Variants in KIR3DL3 observed in about 807,000 individuals in gnomAD.
KIR3DL3 encodes killer cell immunoglobulin like receptor, three Ig domains and long cytoplasmic tail 3.
In KIR3DL3, 27 loss-of-function variants were observed where a neutral mutation model predicts 34.9. That is an observed-to-expected ratio of 0.77 (90% CI 0.57 to 1.07). The LOEUF (loss-of-function observed/expected upper bound fraction) is 1.07. Ranked by LOEUF, KIR3DL3 falls within the 50% of genes least tolerant of loss-of-function variation. The pLI is 0.00. For synonymous variants in KIR3DL3, 217 were observed against 200.2 expected (o/e 1.08, Z -0.71); for missense variants, 681 against 528.5 (o/e 1.29, Z -2.83).
intron 7 of KIR3DL3, 31 bp from the exon 8 acceptor site, chr19:54,735,940 C>A (rs1240797721): frequency 1.8e-5 from 29 of 1,609,554 alleles, no homozygotes; most frequent in Non-Finnish European, 2.0e-5. Context: ...ATGTGAGCAC[C>A]CTCCCTCACT....
At chr19:54,730,685 A>G (rs1482892789) in intron 5 of KIR3DL3, among the ~76,000 whole-genome samples, 2 of 152,050 alleles carry the variant, frequency 1.3e-5, no homozygotes, top group East Asian at 3.9e-4. Context: ...TCCACCTTTT[A>G]GCTCCTGCAT....
At chr19:54,734,405 G>C (rs369801958) in intron 5 of KIR3DL3, among the ~76,000 whole-genome samples, 20 of 151,146 alleles carry the variant, frequency 1.3e-4, no homozygotes, top group Admixed American at 6.0e-4. Flanking sequence ...ATTTCAATGT[G>C]AGCCAGTCCC....
rs1261432858 is a variant in KIR3DL3, at chr19:54,727,160, A to G, written c.356-451A>G. On this transcript the variant is annotated intron_variant, in intron 3 of 7. Transcript: ENST00000291860. ...CTGGGGCCATGGAGAAGGCACAGACATGAAAGGAGAGGCTCCCAATCCCCA... is the reference window on the plus strand; with the variant it reads ...CTGGGGCCATGGAGAAGGCACAGACGTGAAAGGAGAGGCTCCCAATCCCCA... 2.1e-4 allele frequency among the ~76,000 whole-genome samples: 27 copies of G among 128,948 alleles called. No individual in the cohort carries two copies. In the East Asian group the frequency reaches 3.7e-3, roughly 18 times the overall value. The allele number at this position is 128,948 out of a possible 152,430, so 84.6% of individuals were successfully genotyped here.
chr19:54,729,526 C>A lies in KIR3DL3; in HGVS notation c.689C>A (p.Pro230Gln), dbSNP rs1316494827. ...GGGAAACCTTCTCTCTCAGCCCAGCCGGGCCCCACGGTTCAGGCAGGAGAG... is the reference window on the plus strand; with the variant it reads ...GGGAAACCTTCTCTCTCAGCCCAGCAGGGCCCCACGGTTCAGGCAGGAGAG... Reference protein sequence around the residue: ...LYGKPSLSAQPGPTVQAGENV... With the variant: ...LYGKPSLSAQQGPTVQAGENV... Residue 230 changes from proline to glutamine, a missense_variant, in exon 5 of 8, where the codon CCG becomes CAG. Transcript: ENST00000291860. The A allele has an allele frequency of 1.2e-6, 2 of 1,606,286 alleles. No individual in the cohort carries two copies. Among genetic ancestry groups the A allele is most frequent in the Admixed American group, 1.7e-5 (1 of 58,992 alleles).
At chr19:54,732,916 G>T (rs1344593390) in intron 5 of KIR3DL3, among the ~76,000 whole-genome samples, 1 of 152,098 alleles carries the variant, frequency 6.6e-6, no homozygotes, top group African/African-American at 2.4e-5. Context: ...ATCCCTACCT[G>T]ATTAACAGTG....
chr19:54,724,525 G>A lies in KIR3DL3; in HGVS notation c.29G>A (p.Cys10Tyr). The A allele has an allele frequency of 1.2e-6, 2 of 1,612,606 alleles. No individual in the cohort carries two copies. The highest frequency in any genetic ancestry group is 4.5e-5 in the East Asian group (2 of 44,846). MSLMVVSMA[C>Y]VGFFLLEGPW... ...TCGCTCATGGTCGTCAGCATGGCGTGTGTTGGTGAGTCCTGGAAGGGAATC... is the reference window on the plus strand; with the variant it reads ...TCGCTCATGGTCGTCAGCATGGCGTATGTTGGTGAGTCCTGGAAGGGAATC... The change falls in exon 1 of 8, where the codon TGT becomes TAT. Residue 10 changes from cysteine (C) to tyrosine (Y), a missense_variant. Transcript: ENST00000291860.
intron 4 of KIR3DL3, among the ~76,000 whole-genome samples, chr19:54,729,178 T>C (rs2068523362): frequency 6.7e-6 from 1 of 149,232 alleles, no homozygotes; most frequent in South Asian, 2.2e-4. Flanking sequence ...CAGAAAGTTA[T>C]GAGCAAGACA....
chr19:54,735,183 G>C, intron 5 of KIR3DL3, 70 bp from the exon 6 acceptor site: 1 of 1,223,632 alleles, frequency 8.2e-7, no homozygotes, highest in Non-Finnish European at 1.2e-6. Flanking sequence ...TGTCAATCAA[G>C]AAATGTGAGA....
chr19:54,724,543 A>C lies in KIR3DL3; in HGVS notation c.34+13A>C, dbSNP rs1182784812. The C allele has an allele frequency of 5.6e-6, 9 of 1,608,044 alleles. No individual in the cohort carries two copies. Among genetic ancestry groups the C allele is most frequent in the Middle Eastern group, 1.6e-4 (1 of 6,064 alleles). ...ATGGCGTGTGTTGGTGAGTCCTGGA[A>C]GGGAATCGAGGGAGGGAGCGCTGGG... On this transcript the variant is annotated intron_variant, in intron 1 of 7. Transcript: ENST00000291860.
At chr19:54,733,155 G>GT (rs1287485271) in intron 5 of KIR3DL3, among the ~76,000 whole-genome samples, 7 of 152,026 alleles carry the variant, frequency 4.6e-5, no homozygotes, top group South Asian at 2.1e-4. Flanking sequence ...TCTGAGATGT[G>GT]TTTTTTTTCT....
intron 5 of KIR3DL3, among the ~76,000 whole-genome samples, chr19:54,733,819 A>T (rs112166802): frequency 6.6e-6 from 1 of 151,990 alleles, no homozygotes; most frequent in Non-Finnish European, 1.5e-5. Flanking sequence ...ACTTCCAATC[A>T]CCTATGGAGA....
At position 54,727,538 on chromosome 19, in the gene KIR3DL3, C is replaced by T. The variant is rs1425396448; in HGVS notation, c.356-73C>T. On this transcript the variant is annotated intron_variant, in intron 3 of 7. Coordinates refer to ENST00000291860, the MANE Select transcript of KIR3DL3 (RefSeq NM_153443.5). ...GAGATAGACACCATGGAGGGGAAGC[C>T]TCACTTATTTCAGGTCCCATGAATG... is the stretch of plus-strand genomic sequence containing the variant. 2.1e-6 allele frequency: 3 copies of T among 1,435,784 alleles called. No homozygotes were observed. The African/African-American group carries it at 4.3e-5, about 21-fold the overall frequency. 88.9% of individuals were successfully genotyped at this position (1,435,784 alleles called of 1,614,324 possible). A position where few individuals can be genotyped will look rare whatever the true frequency, so the allele number is the denominator to read the frequency against.
In KIR3DL3 at chr19:54,729,714, T is replaced by C; in HGVS notation, c.877T>C (p.Cys293Arg). 1.9e-6 allele frequency: 3 copies of C among 1,596,026 alleles called. No homozygotes were observed. Among genetic ancestry groups the C allele is most frequent in the South Asian group, 2.2e-5 (2 of 89,628 alleles). Residue 293 changes from cysteine to arginine, a missense_variant, in exon 5 of 8, where the codon TGC (cysteine) becomes CGC (arginine). By Grantham distance (180) the Cys-to-Arg change is radical. Coordinates refer to ENST00000291860, the MANE Select transcript of KIR3DL3 (RefSeq NM_153443.5). ...TGTGACCCACGGAGGGAACTACAGA[T>C]GCTTCGGCTCTTTCCGTGCCCTGCC... is the stretch of plus-strand genomic sequence containing the variant. Reference protein sequence around the residue: ...GPVTHGGNYRCFGSFRALPHA... With the variant: ...GPVTHGGNYRRFGSFRALPHA...
chr19:54,727,773 A>T lies in KIR3DL3; in HGVS notation c.518A>T (p.Asp173Val). ...DPLRLVGQLH[D>V]AGSQVNYSMG... ...TTGCGCCTCGTTGGACAGCTCCACG[A>T]TGCGGGTTCCCAGGTCAACTATTCC... The change falls in exon 4 of 8, where the codon GAT (aspartate) becomes GTT (valine). Residue 173 changes from aspartate to valine, a missense_variant. Asp to Val is a radical substitution (Grantham distance 152, BLOSUM62 -3). Transcript: ENST00000291860. 1.2e-6 allele frequency: 2 copies of T among 1,613,536 alleles called. No homozygotes were observed. Among genetic ancestry groups the T allele is most frequent in the South Asian group, 1.1e-5 (1 of 91,038 alleles).
chr19:54,727,976 G>T (rs2057423471), intron 4 of KIR3DL3, 66 bp downstream of exon 4: 2 of 1,480,958 alleles, frequency 1.4e-6, no homozygotes, highest in African/African-American at 1.4e-5. Context: ...AGGACTGGAA[G>T]CCCCAGGTGG....
Position 54,735,803 on chromosome 19 carries a change from A to G in KIR3DL3, c.1055-17A>G. 6.2e-7 allele frequency: 1 copy of G among 1,607,586 alleles called. No individual in the cohort carries two copies. Among genetic ancestry groups the G allele is most frequent in the South Asian group, 1.1e-5 (1 of 90,532 alleles). On this transcript the variant is annotated splice_polypyrimidine_tract_variant and intron_variant, in intron 6 of 7. Transcript: ENST00000291860. The stretch of plus-strand genomic sequence containing the variant: ...AAGTGCCCTCCGAGCTGTTTTGACG[A>G]CTTCCGTCTTCTACAGATGCTGTTG...
rs773252647 is a variant in KIR3DL3 at position 54,735,368 on chromosome 19, C to T, written c.1054+11C>T. The T allele has an allele frequency of 4.6e-5, 58 of 1,263,044 alleles. No individual in the cohort carries two copies. The highest frequency in any genetic ancestry group is 2.5e-4 in the East Asian group (11 of 43,744). 78.2% of individuals were successfully genotyped at this position (1,263,044 alleles called of 1,614,324 possible). A position where few individuals can be genotyped will look rare whatever the true frequency, so the allele number is the denominator to read the frequency against. On this transcript the variant is annotated intron_variant, in intron 6 of 7. Transcript: ENST00000291860. ...GTGCCAACAAAAAGAGTAAGTCTCA[C>T]GAAGCAGAAGCCAGAGAGCTCAGGG...
At chr19:54,728,047 C>T in intron 4 of KIR3DL3, 137 bp downstream of exon 4, 1 of 849,338 alleles carries the variant, frequency 1.2e-6, no homozygotes, top group Non-Finnish European at 1.9e-6. Context: ...AGGTCTGTAC[C>T]AACAAAGGCA....
Position 54,727,902 on chromosome 19 carries a change from T to A in KIR3DL3, c.647T>A (p.Val216Glu). ...LSAPSDPLDI[V>E]VVGLYGKPSL... ...GCTCCCAGTGACCCTCTGGACATCG[T>A]GGTCGTAGGTGAGAGAATACAGACC... The change falls in exon 4 of 8, where the codon GTG (valine) becomes GAG (glutamate). Residue 216 changes from valine to glutamate, a missense_variant. Val to Glu is a moderately radical substitution (Grantham distance 121). Coordinates refer to ENST00000291860, the MANE Select transcript of KIR3DL3 (RefSeq NM_153443.5). 1 of 1,608,488 alleles carries A rather than the reference T, an allele frequency of 6.2e-7. No individual in the cohort carries two copies. The highest frequency in any genetic ancestry group is 8.5e-7 in the Non-Finnish European group (1 of 1,176,286).
Sources: allele counts gnomAD v4.1 joint callset (sites outside exome capture counted in the v4.1 genomes callset), GRCh38; gene constraint gnomAD v4.1.1; transcripts MANE v1.5; gene names NCBI Gene and HGNC (gene_info 2026-07-23, HGNC 2026-07-21).